ERBB4: variants seen among roughly 807,000 people sequenced by gnomAD.
ERBB4 encodes receptor tyrosine-protein kinase erbB-4.
ERBB4 carries 42 observed loss-of-function variants against 158.0 expected under a neutral mutation model. That is an observed-to-expected ratio of 0.27 (90% CI 0.21 to 0.34). ERBB4 has a LOEUF of 0.34. Among genes scored for constraint, ERBB4 ranks in the 10% least tolerant of loss-of-function variants. ERBB4 has a pLI of 1.00. For synonymous variants in ERBB4, 583 were observed against 558.7 expected (o/e 1.04, Z -0.61); for missense variants, 1,333 against 1,624.1 (o/e 0.82, Z 3.08).
intron 1 of ERBB4, among the ~76,000 whole-genome samples, chr2:212,457,076 C>T (rs182600920): frequency 2.5e-4 from 38 of 151,924 alleles, no homozygotes; most frequent in African/African-American, 8.0e-4. Context: ...AATGGTAAAA[C>T]GGCAGGGGTA....
chr2:211,574,055 A>G (rs1163809449), intron 19 of ERBB4, among the ~76,000 whole-genome samples: 1 of 152,240 alleles, frequency 6.6e-6, no homozygotes, highest in African/African-American at 2.4e-5. Context: ...AGATACTTAA[A>G]ATGTTAGCTA....
At chr2:212,001,730 A>G (rs940273164) in intron 2 of ERBB4, among the ~76,000 whole-genome samples, 1 of 152,186 alleles carries the variant, frequency 6.6e-6, no homozygotes, top group Non-Finnish European at 1.5e-5. Context: ...AGAACTGTGA[A>G]AAGATGAAAT....
At chr2:211,736,496 T>C (rs1289282035) in intron 5 of ERBB4, among the ~76,000 whole-genome samples, 4 of 152,216 alleles carry the variant, frequency 2.6e-5, no homozygotes, top group African/African-American at 9.6e-5. Context: ...CATTGTCTTA[T>C]TGCATGAACA....
At chr2:211,764,820 T>G (rs1286196166) in intron 4 of ERBB4, among the ~76,000 whole-genome samples, 5 of 152,206 alleles carry the variant, frequency 3.3e-5, no homozygotes, top group Non-Finnish European at 7.3e-5. Flanking sequence ...GTCTGATTTC[T>G]AATGGGATTA....
intron 1 of ERBB4, among the ~76,000 whole-genome samples, chr2:212,277,233 T>C (rs1193459197): frequency 6.6e-6 from 1 of 151,798 alleles, no homozygotes; most frequent in Non-Finnish European, 1.5e-5. Context: ...GCACTATCAA[T>C]CTTAAACATC....
intron 2 of ERBB4, among the ~76,000 whole-genome samples, chr2:211,985,658 G>C (rs952170667): frequency 1.3e-5 from 2 of 151,118 alleles, no homozygotes; most frequent in East Asian, 3.9e-4. Context: ...GGATGAAAGG[G>C]GAAAATATAA....
chr2:211,479,466 A>G (rs73067294), intron 20 of ERBB4, among the ~76,000 whole-genome samples: 3,778 of 152,268 alleles, frequency 0.025, 146 homozygotes, highest in African/African-American at 0.087. Context: ...AATTTTGCCT[A>G]TAGACTGTAC....
At chr2:211,678,865 G>A (rs2072213352) in intron 13 of ERBB4, among the ~76,000 whole-genome samples, 187 bp downstream of exon 13, 1 of 148,792 alleles carries the variant, frequency 6.7e-6, no homozygotes. Flanking sequence ...TACTTGGGAG[G>A]CCAAGGCAGG....
chr2:211,523,608 A>G (rs537956388), intron 20 of ERBB4, among the ~76,000 whole-genome samples: 52 of 151,844 alleles, frequency 3.4e-4, no homozygotes, highest in Non-Finnish European at 6.0e-4. Context: ...ACAGCTCTCA[A>G]GGCTGCGCGT....
At chr2:212,471,767 G>T (rs1560419809) in intron 1 of ERBB4, among the ~76,000 whole-genome samples, 1 of 151,822 alleles carries the variant, frequency 6.6e-6, no homozygotes, top group Admixed American at 6.6e-5. Flanking sequence ...TTATTTTGCA[G>T]GTAATTTGTT....
intron 1 of ERBB4, among the ~76,000 whole-genome samples, chr2:212,350,632 C>T (rs1328130323): frequency 6.6e-6 from 1 of 152,008 alleles, no homozygotes; most frequent in Non-Finnish European, 1.5e-5. Context: ...GATATTAAGT[C>T]GTTCAAATCT....
intron 20 of ERBB4, among the ~76,000 whole-genome samples, chr2:211,458,114 A>G (rs899805168): frequency 1.3e-5 from 2 of 151,956 alleles, no homozygotes; most frequent in African/African-American, 4.8e-5. Context: ...ATATCACTCT[A>G]TATATCTTTC....
intron 3 of ERBB4, among the ~76,000 whole-genome samples, chr2:211,804,573 A>T (rs748553602): frequency 2.0e-5 from 3 of 152,248 alleles, no homozygotes; most frequent in Non-Finnish European, 4.4e-5. Flanking sequence ...GACATCAGTC[A>T]ACTAGTATGC....
intron 2 of ERBB4, among the ~76,000 whole-genome samples, chr2:212,040,099 G>T (rs1219765819): frequency 1.3e-5 from 2 of 151,552 alleles, no homozygotes; most frequent in Non-Finnish European, 2.9e-5. Context: ...CACCTTCAAA[G>T]GGCATGCCAG....
intron 7 of ERBB4, among the ~76,000 whole-genome samples, chr2:211,713,913 T>C (rs1026278431): frequency 2.0e-5 from 3 of 152,222 alleles, no homozygotes; most frequent in Non-Finnish European, 4.4e-5. Flanking sequence ...ATTTCTTTTA[T>C]ATACTTAGGA....
intron 20 of ERBB4, among the ~76,000 whole-genome samples, chr2:211,440,591 C>G (rs1023313547): frequency 3.9e-5 from 6 of 152,152 alleles, no homozygotes; most frequent in Non-Finnish European, 8.8e-5. Context: ...GAAAACCATA[C>G]AGCTTAGGGA....
At chr2:211,838,876 T>G (rs1020126) in intron 3 of ERBB4, among the ~76,000 whole-genome samples, 124,200 of 151,958 alleles carry the variant, frequency 0.82, 51,036 homozygotes, top group Non-Finnish European at 0.86. Context: ...ACTGAAGCTA[T>G]TGAACTCTGA....
intron 1 of ERBB4, among the ~76,000 whole-genome samples, chr2:212,243,485 T>G (rs1559830415): frequency 2.0e-5 from 3 of 152,200 alleles, no homozygotes; most frequent in African/African-American, 7.2e-5. Context: ...TTTAGCTTTT[T>G]ATTAATCTTA....
intron 19 of ERBB4, among the ~76,000 whole-genome samples, chr2:211,587,873 T>C (rs7595207): frequency 0.73 from 111,046 of 152,040 alleles, 43,177 homozygotes; most frequent in East Asian, 0.89. Flanking sequence ...AAATTCATTC[T>C]ACACTTGTAC....
Sources: allele counts gnomAD v4.1 joint callset (sites outside exome capture counted in the v4.1 genomes callset), GRCh38; gene constraint gnomAD v4.1.1; transcripts MANE v1.5; gene names NCBI Gene and HGNC (gene_info 2026-07-23, HGNC 2026-07-21).